The following PARP8 variants were observed in gnomAD, a reference collection of about 807,000 sequenced individuals.
PARP8 encodes the protein poly(ADP-ribose) polymerase family member 8.
PARP8 carries 51 observed loss-of-function variants against 124.1 expected under a neutral mutation model. The observed-to-expected ratio is 0.41, with a 90% CI of 0.33 to 0.52. The LOEUF is 0.52. Ranked by LOEUF, PARP8 falls within the 20% of genes least tolerant of loss-of-function variation. PARP8 has a pLI of 0.21. For synonymous variants in PARP8, 391 were observed against 361.5 expected (o/e 1.08, Z -0.93); for missense variants, 860 against 1,018.9 (o/e 0.84, Z 2.12).
chr5:50,754,930 G>A (rs1759750722), intron 3 of PARP8, among the ~76,000 whole-genome samples: 1 of 152,110 alleles, frequency 6.6e-6, no homozygotes, highest in African/African-American at 2.4e-5. Context: ...TTCTCTGATG[G>A]CCAGTGATGA....
chr5:50,722,338 A>G (rs1351835637), intron 2 of PARP8, among the ~76,000 whole-genome samples: 1 of 152,098 alleles, frequency 6.6e-6, no homozygotes, highest in Non-Finnish European at 1.5e-5. Flanking sequence ...TATGGTATAT[A>G]CTTCTATGTG....
At chr5:50,667,622 A>G (rs1303643250) in intron 1 of PARP8, 1 of 698,846 alleles carries the variant, frequency 1.4e-6, no homozygotes, top group East Asian at 2.7e-5. Flanking sequence ...CCCGGCGCCG[A>G]GGACCCCCGG....
chr5:50,695,790 G>A (rs1752963608), intron 2 of PARP8, among the ~76,000 whole-genome samples: 1 of 152,084 alleles, frequency 6.6e-6, no homozygotes, highest in Non-Finnish European at 1.5e-5. Context: ...CAAAATTCAA[G>A]CTTTAGTGTA....
intron 2 of PARP8, among the ~76,000 whole-genome samples, chr5:50,670,693 C>CA (rs972190854): frequency 6.6e-6 from 1 of 152,162 alleles, no homozygotes; most frequent in African/African-American, 2.4e-5. Context: ...AACTGAGGCT[C>CA]AGAGAGTTTA....
At chr5:50,667,281 A>T in intron 1 of PARP8, 95 bp downstream of exon 1, 1 of 1,294,232 alleles carries the variant, frequency 7.7e-7, no homozygotes, top group Non-Finnish European at 1.1e-6. Flanking sequence ...GGAGGGTTGC[A>T]CGTCCCCATT....
chr5:50,776,313 C>T (rs1371972845), intron 7 of PARP8, among the ~76,000 whole-genome samples: 1 of 152,088 alleles, frequency 6.6e-6, no homozygotes, highest in Non-Finnish European at 1.5e-5. Flanking sequence ...AGGATATTTG[C>T]ATCTGGTTCA....
At chr5:50,841,847 C>G in intron 25 of PARP8, 119 bp from the exon 26 acceptor site, 1 of 628,338 alleles carries the variant, frequency 1.6e-6, no homozygotes, top group Non-Finnish European at 2.7e-6. Flanking sequence ...GAAAAACAAC[C>G]GTATAATTTG....
At chr5:50,760,032 C>T (rs1401316238) in intron 4 of PARP8, among the ~76,000 whole-genome samples, 1 of 152,146 alleles carries the variant, frequency 6.6e-6, no homozygotes, top group East Asian at 1.9e-4. Flanking sequence ...GCAATGAAGA[C>T]ACCATGAAAT....
intron 2 of PARP8, among the ~76,000 whole-genome samples, chr5:50,685,956 G>A (rs1223118435): frequency 6.6e-6 from 1 of 152,042 alleles, no homozygotes; most frequent in Non-Finnish European, 1.5e-5. Context: ...ATGAGATTTG[G>A]GTAGGGACAC....
intron 2 of PARP8, among the ~76,000 whole-genome samples, chr5:50,677,972 G>A (rs1750831669): frequency 6.6e-6 from 1 of 151,096 alleles, no homozygotes; most frequent in Admixed American, 6.6e-5. Context: ...ATTTGAATCA[G>A]GAAAATATAA....
chr5:50,815,578 A>G (rs1745011443), intron 15 of PARP8, 54 bp downstream of exon 15: 1 of 1,290,862 alleles, frequency 7.7e-7, no homozygotes, highest in Non-Finnish European at 1.1e-6. Context: ...AATTTGTTCC[A>G]GTCCACTAGT....
At chr5:50,707,670 C>T (rs1287059667) in intron 2 of PARP8, among the ~76,000 whole-genome samples, 3 of 145,956 alleles carry the variant, frequency 2.1e-5, no homozygotes, top group Admixed American at 1.4e-4. Context: ...AGAGAAAATG[C>T]CAGTATTATC....
chr5:50,711,526 A>C (rs1239280525), intron 2 of PARP8, among the ~76,000 whole-genome samples: 1 of 152,074 alleles, frequency 6.6e-6, no homozygotes, highest in Non-Finnish European at 1.5e-5. Context: ...GGACTGCAGC[A>C]CCTGTCATGT....
chr5:50,759,839 T>A, intron 4 of PARP8, 107 bp downstream of exon 4: 1 of 1,253,584 alleles, frequency 8.0e-7, no homozygotes, highest in South Asian at 1.8e-5. Flanking sequence ...TTATCTTCTG[T>A]GTCTATAAAT....
intron 2 of PARP8, among the ~76,000 whole-genome samples, chr5:50,732,462 C>T (rs1051713061): frequency 3.9e-5 from 6 of 151,902 alleles, no homozygotes; most frequent in Non-Finnish European, 7.4e-5. Context: ...GTAGATATAC[C>T]GACTGATATT....
At chr5:50,821,608 C>G (rs1745775100) in intron 16 of PARP8, among the ~76,000 whole-genome samples, 1 of 152,174 alleles carries the variant, frequency 6.6e-6, no homozygotes, top group Non-Finnish European at 1.5e-5. Flanking sequence ...TTCTTCCTCC[C>G]CAGCTATCTG....
At chr5:50,769,642 G>A (rs2548583) in intron 7 of PARP8, among the ~76,000 whole-genome samples, 23,333 of 151,030 alleles carry the variant, frequency 0.15, 2,197 homozygotes, top group African/African-American at 0.27. Context: ...AAGGAATTGT[G>A]TTGTATTTAT....
chr5:50,718,429 ATGTG>A (rs1190679165), intron 2 of PARP8, among the ~76,000 whole-genome samples: 1 of 151,796 alleles, frequency 6.6e-6, no homozygotes, highest in East Asian at 1.9e-4. Context: ...ATGTACACAT[ATGTG>A]TGTGTATGTG....
chr5:50,732,617 T>C (rs1757079910), intron 2 of PARP8, among the ~76,000 whole-genome samples: 1 of 152,142 alleles, frequency 6.6e-6, no homozygotes, highest in Non-Finnish European at 1.5e-5. Flanking sequence ...TGTATTTTTT[T>C]CTTTTTTTCC....
Sources: allele counts gnomAD v4.1 joint callset (sites outside exome capture counted in the v4.1 genomes callset), GRCh38; gene constraint gnomAD v4.1.1; transcripts MANE v1.5; gene names NCBI Gene and HGNC (gene_info 2026-07-23, HGNC 2026-07-21).